RNF17: variants seen among roughly 807,000 people sequenced by gnomAD.
RNF17 encodes spermatogenesis associated 23.
A neutral mutation model predicts 200.5 loss-of-function variants in RNF17; 31 were observed. The observed-to-expected ratio is 0.15, with a 90% CI of 0.12 to 0.21. The LOEUF (loss-of-function observed/expected upper bound fraction) is 0.21, where lower values mean the gene tolerates loss of function less well. RNF17 is among the 10% of genes least tolerant of loss of function. The pLI, the probability that RNF17 is intolerant of heterozygous loss-of-function variation, is 1.00. For synonymous variants in RNF17, 606 were observed against 637.8 expected, an observed-to-expected ratio of 0.95 and a Z score of 0.75; for missense variants, 1,628 against 1,905.1, an observed-to-expected ratio of 0.85 and a Z score of 2.71.
chr13:24,768,600 A>ATTTTTTT (rs1880148328), intron 2 of RNF17, among the ~76,000 whole-genome samples: 1 of 151,886 alleles, frequency 6.6e-6, no homozygotes, highest in Admixed American at 6.6e-5. Flanking sequence ...TAAATTCTTG[A>ATTTTTTT]TGTTTTACTG....
the RNF17 span, chr13:24,885,610 C>G: frequency 6.2e-7 from 1 of 1,605,478 alleles, no homozygotes; most frequent in Non-Finnish European, 8.5e-7. Context: ...ATTTACTTGT[C>G]CCTTATCCAA....
At position 24,870,746 on chromosome 13, in the gene RNF17, T is replaced by G. The variant is rs780040950; in HGVS notation, c.4447+7T>G. The G allele has an allele frequency of 6.2e-7, 1 of 1,611,420 alleles. No homozygotes were observed. The highest frequency in any genetic ancestry group is 8.5e-7 in the Non-Finnish European group (1 of 1,178,474). On this transcript the variant is annotated splice_region_variant and intron_variant, in intron 32 of 35. Transcript: ENST00000255324. ...CTGACGGATTTTAGAACAGGTATAC[T>G]TACTATATTTGAATGAAACAGGATA...
At chr13:24,773,641 C>G (rs974186698) in intron 2 of RNF17, among the ~76,000 whole-genome samples, 2 of 152,194 alleles carry the variant, frequency 1.3e-5, no homozygotes, top group African/African-American at 2.4e-5. Context: ...CAGACCTCAG[C>G]ATCATGCCCT....
At chr13:24,772,765 C>A (rs186468507) in intron 2 of RNF17, among the ~76,000 whole-genome samples, 4 of 152,210 alleles carry the variant, frequency 2.6e-5, no homozygotes, top group Non-Finnish European at 5.9e-5. Flanking sequence ...CGTCCACCAC[C>A]ACGCCCAGCT....
In RNF17 at chr13:24,823,553, G is replaced by A. The variant is rs534264652; in HGVS notation, c.2092-2066G>A. ...CTGAAACAAAGAAGAGACAGAGAAAGAGGAAGGCGCCATCTTTCCTAGACT... is the reference window on the plus strand; with the variant it reads ...CTGAAACAAAGAAGAGACAGAGAAAAAGGAAGGCGCCATCTTTCCTAGACT... On this transcript the variant is annotated intron_variant, in intron 15 of 35. Coordinates refer to ENST00000255324, the MANE Select transcript of RNF17 (RefSeq NM_031277.3). Among the ~76,000 whole-genome samples the A allele has an allele frequency of 8.6e-5, 13 of 151,940 alleles. No individual in the cohort carries two copies. The East Asian group carries it at 2.5e-3, about 29-fold the overall frequency.
At chr13:24,788,414 C>T (rs901164628) in intron 7 of RNF17, among the ~76,000 whole-genome samples, 1 of 151,756 alleles carries the variant, frequency 6.6e-6, no homozygotes, top group Admixed American at 6.6e-5. Context: ...GCAATTAAGT[C>T]TTTGTAACAC....
At chr13:24,860,990 A>T (rs1202814442) in intron 26 of RNF17, among the ~76,000 whole-genome samples, 1 of 151,576 alleles carries the variant, frequency 6.6e-6, no homozygotes. Flanking sequence ...CAGTCCTCCC[A>T]CCTCAGCATC....
intron 11 of RNF17, among the ~76,000 whole-genome samples, chr13:24,797,452 G>T (rs1475787798): frequency 6.6e-6 from 1 of 152,054 alleles, no homozygotes; most frequent in Non-Finnish European, 1.5e-5. Context: ...TTGAAAGAAA[G>T]AATAGTTTTA....
chr13:24,762,369 TA>T (rs370600110), upstream of RNF17, among the ~76,000 whole-genome samples: 2,409 of 113,544 alleles, frequency 0.021, 64 homozygotes, highest in African/African-American at 0.087. Flanking sequence ...ACTCCATTTC[TA>T]AAAAAAAAAA....
intron 28 of RNF17, among the ~76,000 whole-genome samples, chr13:24,863,880 C>G (rs1003232292): frequency 6.6e-6 from 1 of 152,228 alleles, no homozygotes; most frequent in Non-Finnish European, 1.5e-5. Context: ...CAGACTCACT[C>G]CTCTCCCTTG....
chr13:24,812,817 G>GACT (rs760516439), intron 15 of RNF17, among the ~76,000 whole-genome samples: 6 of 151,660 alleles, frequency 4.0e-5, no homozygotes, highest in Admixed American at 1.3e-4. Context: ...AAGTAGCTGG[G>GACT]ACTACGGGTG....
At chr13:24,754,694 A>C in the RNF17 span, among the ~76,000 whole-genome samples, 1 of 152,154 alleles carries the variant, frequency 6.6e-6, no homozygotes, top group African/African-American at 2.4e-5. Context: ...GTTTGAGACT[A>C]GCCTGGACAA....
chr13:24,817,005 T>G (rs1165710242), intron 15 of RNF17, among the ~76,000 whole-genome samples: 1 of 152,238 alleles, frequency 6.6e-6, no homozygotes, highest in Non-Finnish European at 1.5e-5. Context: ...ACAAAATCTT[T>G]TAATATGCTG....
chr13:24,780,950 C>T (rs1290325489), intron 5 of RNF17, among the ~76,000 whole-genome samples: 5 of 151,888 alleles, frequency 3.3e-5, no homozygotes, highest in Non-Finnish European at 5.9e-5. Context: ...GGTGAAGACT[C>T]GATATACGAT....
chr13:24,860,161 A>T (rs1207937787), intron 26 of RNF17, among the ~76,000 whole-genome samples: 1 of 151,746 alleles, frequency 6.6e-6, no homozygotes, highest in Non-Finnish European at 1.5e-5. Context: ...AGTGACATAC[A>T]TTCGAGTTGC....
chr13:24,784,957 T>C (rs1566130115), intron 6 of RNF17, among the ~76,000 whole-genome samples: 2 of 152,326 alleles, frequency 1.3e-5, no homozygotes, highest in East Asian at 3.9e-4. Flanking sequence ...TCCATCTGCC[T>C]CGGCCTCCCA....
chr13:24,834,324 A>G (rs1253510367), intron 18 of RNF17, among the ~76,000 whole-genome samples: 1 of 152,212 alleles, frequency 6.6e-6, no homozygotes, highest in Non-Finnish European at 1.5e-5. Context: ...CTGAGGCAGG[A>G]GAATCACTTG....
the RNF17 span, chr13:24,885,168 TAA>T: frequency 1.3e-6 from 1 of 747,200 alleles, no homozygotes; most frequent in Non-Finnish European, 2.3e-6. Context: ...AAATGGCAAC[TAA>T]AGGCATCTTG....
the RNF17 span, among the ~76,000 whole-genome samples, chr13:24,757,506 T>A: frequency 6.6e-6 from 1 of 152,074 alleles, no homozygotes; most frequent in Non-Finnish European, 1.5e-5. Flanking sequence ...GTATTTTTAA[T>A]AGAGACGGGG....
Sources: allele counts gnomAD v4.1 joint callset (sites outside exome capture counted in the v4.1 genomes callset), GRCh38; gene constraint gnomAD v4.1.1; transcripts MANE v1.5; gene names NCBI Gene and HGNC (gene_info 2026-07-23, HGNC 2026-07-21).